The following TAFA5 variants were observed in gnomAD, a reference collection of about 807,000 sequenced individuals.
The protein encoded by TAFA5 is chemokine-like protein TAFA-5.
Under a neutral mutation model 15.3 loss-of-function variants are expected in TAFA5, and 6 were observed. The observed-to-expected ratio is 0.39, with a 90% CI of 0.21 to 0.77. The LOEUF (loss-of-function observed/expected upper bound fraction) is 0.77, where lower values mean the gene tolerates loss of function less well. Ranked by LOEUF, TAFA5 falls within the 30% of genes least tolerant of loss-of-function variation. TAFA5 has a pLI of 0.41. For missense variants in TAFA5, 161 were observed against 193.1 expected, an observed-to-expected ratio of 0.83 and a Z score of 0.98; for synonymous variants, 103 against 80.7, an observed-to-expected ratio of 1.28 and a Z score of -1.48.
At chr22:48,669,913 T>A (rs1447813032) in intron 2 of TAFA5, among the ~76,000 whole-genome samples, 2 of 152,234 alleles carry the variant, frequency 1.3e-5, no homozygotes, top group Non-Finnish European at 2.9e-5. Flanking sequence ...GCCTCCCGCC[T>A]GAGCTGGCTT....
chr22:48,696,758 C>T (rs994412242), intron 2 of TAFA5, among the ~76,000 whole-genome samples: 4 of 152,364 alleles, frequency 2.6e-5, no homozygotes, highest in East Asian at 1.9e-4. Flanking sequence ...ATGAGGTTTG[C>T]GCCTGCAGAG....
chr22:48,583,106 A>G (rs1322221948), intron 1 of TAFA5, among the ~76,000 whole-genome samples: 1 of 143,618 alleles, frequency 7.0e-6, no homozygotes, highest in Non-Finnish European at 1.5e-5. Context: ...AAAATACACC[A>G]CACGCCACAC....
rs76141473 is a variant in TAFA5, at chr22:48,553,776, C to T, written c.112+64072C>T. Among the ~76,000 whole-genome samples, 1,431 of 152,254 alleles carry T rather than the reference C, an allele frequency of 9.4e-3. 10 individuals carry two copies. The highest frequency in any genetic ancestry group is 0.017 in the Middle Eastern group (5 of 294). ...ACCTGGGGTGCAGCCCTGGCATGCC[C>T]GGTCCTCGTCTGTTCAGCCTGTGGC... On this transcript the variant is annotated intron_variant, in intron 1 of 3. Coordinates refer to ENST00000402357, the MANE Select transcript of TAFA5 (RefSeq NM_001082967.3).
At chr22:48,592,629 C>T (rs1159979682) in intron 1 of TAFA5, among the ~76,000 whole-genome samples, 1 of 152,132 alleles carries the variant, frequency 6.6e-6, no homozygotes, top group East Asian at 1.9e-4. Context: ...GCCTGTCTGG[C>T]CGGTATCTGC....
rs890839622 is a variant in TAFA5, at chr22:48,750,243, C to T, written c.*396C>T. On this transcript the variant is annotated 3_prime_UTR_variant, in exon 4 of 4. Coordinates refer to ENST00000402357, the MANE Select transcript of TAFA5 (RefSeq NM_001082967.3). Reference sequence around the variant, plus strand: ...CACGACGCCTGCCCCAGGGGACTGTCAGGCACAGAAGCGGCCTCCTCCCGT... The same window carrying T: ...CACGACGCCTGCCCCAGGGGACTGTTAGGCACAGAAGCGGCCTCCTCCCGT... 1.0e-5 allele frequency: 3 copies of T among 295,832 alleles called. No homozygotes were observed. The Admixed American group carries it at 1.5e-4, about 14-fold the overall frequency. The allele number at this position is 295,832 out of a possible 1,614,324, so 18.3% of individuals were successfully genotyped here. A position where few individuals can be genotyped will look rare whatever the true frequency, so the allele number is the denominator to read the frequency against.
At chr22:48,663,193 G>T (rs73889504) in intron 2 of TAFA5, among the ~76,000 whole-genome samples, 2 of 152,218 alleles carry the variant, frequency 1.3e-5, no homozygotes, top group East Asian at 1.9e-4. Context: ...CTTAACAAAG[G>T]TTTCATTTAC....
At chr22:48,597,312 C>T (rs929439675) in intron 1 of TAFA5, among the ~76,000 whole-genome samples, 4 of 140,186 alleles carry the variant, frequency 2.9e-5, no homozygotes, top group African/African-American at 8.0e-5. Flanking sequence ...CCCTCTCTAC[C>T]GGCTGGCTCA....
At chr22:48,520,119 C>T (rs1160174479) in intron 1 of TAFA5, among the ~76,000 whole-genome samples, 5 of 152,216 alleles carry the variant, frequency 3.3e-5, no homozygotes, top group South Asian at 2.1e-4. Flanking sequence ...GCCGAGGAGC[C>T]GCTGGGTGGC....
At chr22:48,641,373 G>C (rs1926670084) in intron 1 of TAFA5, among the ~76,000 whole-genome samples, 1 of 152,152 alleles carries the variant, frequency 6.6e-6, no homozygotes, top group African/African-American at 2.4e-5. Flanking sequence ...TTCCGGGAGG[G>C]GCTGGTCCTG....
chr22:48,495,966 G>A (rs754639540), intron 1 of TAFA5, among the ~76,000 whole-genome samples: 9 of 152,218 alleles, frequency 5.9e-5, no homozygotes, highest in Non-Finnish European at 1.0e-4. Flanking sequence ...GAAGCTGCTT[G>A]TGCTCATTCC....
At chr22:48,748,195 A>G (rs1230668368) in intron 3 of TAFA5, among the ~76,000 whole-genome samples, 1 of 152,220 alleles carries the variant, frequency 6.6e-6, no homozygotes, top group Non-Finnish European at 1.5e-5. Context: ...CACACCGTTC[A>G]TGCCAGCTTG....
intron 2 of TAFA5, among the ~76,000 whole-genome samples, chr22:48,650,453 C>A (rs554402892): frequency 8.5e-5 from 13 of 152,242 alleles, no homozygotes; most frequent in African/African-American, 2.4e-4. Context: ...GACTGGGGCC[C>A]CAGAGTGCCA....
chr22:48,540,566 C>T (rs933928997), intron 1 of TAFA5, among the ~76,000 whole-genome samples: 3 of 151,544 alleles, frequency 2.0e-5, no homozygotes, highest in African/African-American at 4.8e-5. Context: ...AGGTAAGAAA[C>T]GCTGAGCGCA....
At chr22:48,674,284 G>A (rs953513133) in intron 2 of TAFA5, among the ~76,000 whole-genome samples, 1 of 152,140 alleles carries the variant, frequency 6.6e-6, no homozygotes, top group Non-Finnish European at 1.5e-5. Flanking sequence ...GGCATTGCTC[G>A]CCCCCACCTG....
chr22:48,696,686 C>A (rs1051207607), intron 2 of TAFA5, among the ~76,000 whole-genome samples: 1 of 152,234 alleles, frequency 6.6e-6, no homozygotes, highest in Non-Finnish European at 1.5e-5. Flanking sequence ...CCCCTTCACC[C>A]CCATACCACT....
intron 1 of TAFA5, among the ~76,000 whole-genome samples, chr22:48,568,462 G>C (rs1425942459): frequency 6.6e-6 from 1 of 152,206 alleles, no homozygotes; most frequent in Non-Finnish European, 1.5e-5. Flanking sequence ...TTCTCTTCTG[G>C]GAGTGACTCC....
chr22:48,682,574 C>G (rs1336747774), intron 2 of TAFA5, among the ~76,000 whole-genome samples: 2 of 152,174 alleles, frequency 1.3e-5, no homozygotes, highest in Non-Finnish European at 2.9e-5. Context: ...AGCAGAAGAC[C>G]CTGACGTCAT....
chr22:48,661,702 C>T (rs572525927), intron 2 of TAFA5, among the ~76,000 whole-genome samples: 35 of 152,332 alleles, frequency 2.3e-4, no homozygotes, highest in African/African-American at 8.2e-4. Flanking sequence ...GGACAGCGTC[C>T]TCCTCCCTGC....
chr22:48,637,239 C>CAT (rs1269324459), intron 1 of TAFA5, among the ~76,000 whole-genome samples: 1 of 152,154 alleles, frequency 6.6e-6, no homozygotes, highest in African/African-American at 2.4e-5. Context: ...GATCTGTGTG[C>CAT]ATGCGTGTAC....
Sources: allele counts gnomAD v4.1 joint callset (sites outside exome capture counted in the v4.1 genomes callset), GRCh38; gene constraint gnomAD v4.1.1; transcripts MANE v1.5; gene names NCBI Gene and HGNC (gene_info 2026-07-23, HGNC 2026-07-21).